USP33: variants seen among roughly 807,000 people sequenced by gnomAD.
USP33 encodes the protein ubiquitin specific peptidase 33, also known as ubiquitin carboxyl-terminal hydrolase 33.
In USP33, 46 loss-of-function variants were observed where a neutral mutation model predicts 124.2. The observed-to-expected ratio is 0.37, with a 90% CI of 0.29 to 0.47. The LOEUF (loss-of-function observed/expected upper bound fraction) is 0.47, where lower values mean the gene tolerates loss of function less well. Among genes scored for constraint, USP33 ranks in the 20% least tolerant of loss-of-function variants. The pLI, the probability that USP33 is intolerant of heterozygous loss-of-function variation, is 0.99. For missense variants in USP33, 851 were observed against 1,070.6 expected, an observed-to-expected ratio of 0.79 and a Z score of 2.86; for synonymous variants, 350 against 352.3, an observed-to-expected ratio of 0.99 and a Z score of 0.07.
chr1:77,714,766 GCCT>G lies in USP33; in HGVS notation c.2060_2062del (p.Glu687del), dbSNP rs1557826196. ...TGATATCCTTCTCCTCTCTTTTTGT[GCCT>G]CTTCGCTGCTCTTCCTATTAAGGAC... On this transcript the variant is annotated inframe_deletion, in exon 19 of 24. Transcript: ENST00000370794. 6.2e-7 allele frequency: 1 copy of G among 1,611,732 alleles called. No homozygotes were observed. The highest frequency in any genetic ancestry group is 8.5e-7 in the Non-Finnish European group (1 of 1,179,816).
intron 9 of USP33, 96 bp downstream of exon 9, chr1:77,729,764 T>C: frequency 1.8e-6 from 2 of 1,085,832 alleles, no homozygotes; most frequent in South Asian, 2.7e-5. Flanking sequence ...ACACAAGGAG[T>C]GATGACCCCA....
chr1:77,741,435 A>G lies in USP33; in HGVS notation c.82-6T>C. 6.2e-7 allele frequency: 1 copy of G among 1,605,172 alleles called. No individual in the cohort carries two copies. The highest frequency in any genetic ancestry group is 8.5e-7 in the Non-Finnish European group (1 of 1,177,806). On this transcript the variant is annotated splice_polypyrimidine_tract_variant and splice_region_variant and intron_variant, in intron 2 of 23. Transcript: ENST00000370794. ...TTACAATCCTGACAAGTACCCTATA[A>G]AAAGAAATTAAAAAGACAACATTGG...
Position 77,701,366 on chromosome 1 carries a change from T to A in USP33, c.2509+3A>T, listed in dbSNP as rs1327316096. On this transcript the variant is annotated splice_donor_region_variant and intron_variant, in intron 22 of 23. Transcript: ENST00000370794. ...AAAAAAAATTTTTCAGTCAACCACT[T>A]ACCTCCATCTTTACCCTTCACAAAA... 6.3e-7 allele frequency: 1 copy of A among 1,588,400 alleles called. No individual in the cohort carries two copies. Among genetic ancestry groups the A allele is most frequent in the South Asian group, 1.2e-5 (1 of 86,282 alleles).
chr1:77,738,702 G>A (rs966209819), intron 5 of USP33, among the ~76,000 whole-genome samples: 2 of 152,076 alleles, frequency 1.3e-5, no homozygotes, highest in Non-Finnish European at 2.9e-5. Context: ...GGATGGTCTC[G>A]ATCTCCTGAC....
chr1:77,733,354 C>T (rs931619942), intron 7 of USP33, among the ~76,000 whole-genome samples: 2 of 150,982 alleles, frequency 1.3e-5, no homozygotes, highest in Non-Finnish European at 2.9e-5. Flanking sequence ...AATCGTGCCA[C>T]TGCACTCTAA....
At chr1:77,718,555 C>T in intron 16 of USP33, 41 bp downstream of exon 16, 1 of 1,460,114 alleles carries the variant, frequency 6.8e-7, no homozygotes, top group Non-Finnish European at 9.5e-7. Context: ...ACTTTATGTT[C>T]CTACCACACA....
intron 12 of USP33, chr1:77,722,409 A>AG (rs955382092): frequency 1.1e-5 from 5 of 471,838 alleles, no homozygotes; most frequent in African/African-American, 9.9e-5. Context: ...TGTACCAGGT[A>AG]TCTTCACGTA....
At chr1:77,750,478 T>C (rs893986279) in intron 1 of USP33, among the ~76,000 whole-genome samples, 2 of 150,362 alleles carry the variant, frequency 1.3e-5, no homozygotes, top group East Asian at 2.0e-4. Context: ...CTACAGAAAA[T>C]AGAAAAATCA....
chr1:77,745,720 A>C (rs1679675578), intron 1 of USP33: 2 of 152,236 alleles, frequency 1.3e-5, no homozygotes, highest in South Asian at 4.1e-4. Context: ...ACTCAGGATT[A>C]AGAAACTCAC....
rs375305167 is a variant in USP33, at chr1:77,700,941, CA to C, written c.2509+427del. ...CTTGAACTCCTGACGTCAGGTGATC[CA>C]CCCACGTCAGCCTCCCAAACTTTTG... On this transcript the variant is annotated intron_variant, in intron 22 of 23. Transcript: ENST00000370794. 6.2e-4 allele frequency among the ~76,000 whole-genome samples: 94 copies of C among 152,262 alleles called. 1 individual carries two copies. Among genetic ancestry groups the C allele is most frequent in the African/African-American group, 2.2e-3 (93 of 41,556 alleles).
At chr1:77,736,724 C>G (rs1678499617) in intron 5 of USP33, among the ~76,000 whole-genome samples, 1 of 152,102 alleles carries the variant, frequency 6.6e-6, no homozygotes, top group South Asian at 2.1e-4. Flanking sequence ...CTTCTCCTGC[C>G]TCAGACTCCC....
In USP33 at chr1:77,702,153, A is replaced by C. The variant is rs1183717612; in HGVS notation, c.2407-682T>G. On this transcript the variant is annotated intron_variant, in intron 21 of 23. Coordinates refer to ENST00000370794, the MANE Select transcript of USP33 (RefSeq NM_201624.3). ...CAAGACCCTGTCTCAAAAAAAAAAA[A>C]AAAAAAAAAAAAAAAAAAAAAAAAC... is the stretch of plus-strand genomic sequence containing the variant. 3.2e-5 allele frequency among the ~76,000 whole-genome samples: 4 copies of C among 124,458 alleles called. 1 individual carries two copies. The highest frequency in any genetic ancestry group is 7.0e-5 in the Non-Finnish European group (4 of 57,340). 81.6% of individuals were successfully genotyped at this position (124,458 alleles called of 152,430 possible).
At chr1:77,716,687 T>G (rs1675946255) in intron 17 of USP33, among the ~76,000 whole-genome samples, 1 of 152,026 alleles carries the variant, frequency 6.6e-6, no homozygotes, top group South Asian at 2.1e-4. Context: ...CTCCCCACAT[T>G]CCTTTTCTAA....
intron 10 of USP33, among the ~76,000 whole-genome samples, chr1:77,727,522 A>C (rs1677304663): frequency 6.6e-6 from 1 of 152,224 alleles, no homozygotes; most frequent in African/African-American, 2.4e-5. Context: ...CACTTTACCC[A>C]AGTGAACCAC....
At chr1:77,723,520 CA>C (rs1468262974) in intron 11 of USP33, 77 bp from the exon 12 acceptor site, 18 of 954,040 alleles carry the variant, frequency 1.9e-5, no homozygotes, top group African/African-American at 1.7e-5. Context: ...TTTGTCTTGT[CA>C]ATCTTACTTG....
chr1:77,705,459 T>C (rs1485201706), intron 21 of USP33, among the ~76,000 whole-genome samples: 1 of 152,066 alleles, frequency 6.6e-6, no homozygotes, highest in African/African-American at 2.4e-5. Flanking sequence ...CCTCCCAAGG[T>C]GCTGGGATTA....
rs1675818349 is a variant in USP33, at chr1:77,715,859, T to C, written c.1928A>G (p.Tyr643Cys). The change falls in exon 18 of 24, where the codon TAT becomes TGT. Residue 643 changes from tyrosine (Y) to cysteine (C), a missense_variant. Tyr to Cys is a radical substitution (Grantham distance 194). This residue lies in a region of USP33 where 281 missense variants were observed against 425.0 expected (regional missense o/e 0.66). Transcript: ENST00000370794. ...CHHGTASSGH[Y>C]IAYCRNNLNN... Reference sequence around the variant, plus strand: ...TAGATTGTTTCGGCAGTAGGCTATATAGTGTCCACCTGAATTTGAGGGAAA... The same window carrying C: ...TAGATTGTTTCGGCAGTAGGCTATACAGTGTCCACCTGAATTTGAGGGAAA... The C allele has an allele frequency of 1.9e-6, 3 of 1,612,946 alleles. No individual in the cohort carries two copies. The highest frequency in any genetic ancestry group is 2.5e-6 in the Non-Finnish European group (3 of 1,179,724).
chr1:77,743,469 G>C (rs1295050927), intron 1 of USP33, among the ~76,000 whole-genome samples: 1 of 152,076 alleles, frequency 6.6e-6, no homozygotes, highest in African/African-American at 2.4e-5. Flanking sequence ...AGGGTTAATA[G>C]TGCAAACATT....
intron 19 of USP33, chr1:77,713,552 C>A: frequency 4.4e-5 from 8 of 181,096 alleles, no homozygotes; most frequent in East Asian, 1.4e-4. Flanking sequence ...ACCCAGCTAA[C>A]TTTTCTTTTT....
Sources: gnomAD v4.1 joint callset for allele counts (sites outside exome capture counted in the v4.1 genomes callset) on GRCh38, gnomAD v4.1.1 for gene constraint, gnomAD v4.1.1 regional missense constraint, MANE v1.5 for transcripts, NCBI Gene and HGNC (gene_info 2026-07-23, HGNC 2026-07-21) for gene names.